The following MAN1A1 variants were observed in gnomAD, a reference collection of about 807,000 sequenced individuals.
The protein encoded by MAN1A1 is mannosyl-oligosaccharide 1,2-alpha-mannosidase IA.
MAN1A1 carries 29 observed loss-of-function variants against 70.8 expected under a neutral mutation model. That is an observed-to-expected ratio of 0.41 (90% confidence interval 0.31 to 0.56). The LOEUF is 0.56. MAN1A1 is among the 20% of genes least tolerant of loss of function. The probability of loss-of-function intolerance (pLI) is 0.29; values close to 1 mark genes in which losing one functional copy is unlikely to be tolerated. For missense variants in MAN1A1, 747 were observed against 841.3 expected (o/e 0.89, Z 1.39); for synonymous variants, 349 against 330.1 (o/e 1.06, Z -0.62).
At chr6:119,333,580 T>C (rs1582812759) in intron 2 of MAN1A1, among the ~76,000 whole-genome samples, 1 of 152,210 alleles carries the variant, frequency 6.6e-6, no homozygotes, top group East Asian at 1.9e-4. Context: ...CAGCTAATAC[T>C]AAATTAAGCT....
At chr6:119,331,776 T>C (rs1045550712) in intron 2 of MAN1A1, among the ~76,000 whole-genome samples, 1 of 151,926 alleles carries the variant, frequency 6.6e-6, no homozygotes, top group African/African-American at 2.4e-5. Flanking sequence ...TCACCTCACT[T>C]CCCTTTACTT....
Position 119,349,071 on chromosome 6 carries a change from C to T in MAN1A1, c.-6G>A. 3 of 1,311,516 alleles carry T rather than the reference C, an allele frequency of 2.3e-6. No individual in the cohort carries two copies. Among genetic ancestry groups the T allele is most frequent in the South Asian group, 2.3e-5 (1 of 44,056 alleles). The allele number at this position is 1,311,516 out of a possible 1,614,324, so 81.2% of individuals were successfully genotyped here. A position where few individuals can be genotyped will look rare whatever the true frequency, so the allele number is the denominator to read the frequency against. ...AACAGGCCCCCCACGGGCATCGCTC[C>T]CGCTGTCCAGTGGTCCGGCGCCGCG... On this transcript the variant is annotated 5_prime_UTR_variant, in exon 2 of 13. Transcript: ENST00000368468.
At chr6:119,203,463 G>A (rs891393770) in intron 7 of MAN1A1, among the ~76,000 whole-genome samples, 1 of 152,000 alleles carries the variant, frequency 6.6e-6, no homozygotes, top group African/African-American at 2.4e-5. Flanking sequence ...GGAGAGCCAG[G>A]GCCCAGGTCA....
intron 6 of MAN1A1, among the ~76,000 whole-genome samples, chr6:119,211,446 C>T (rs1007350515): frequency 6.6e-6 from 1 of 152,184 alleles, no homozygotes; most frequent in Non-Finnish European, 1.5e-5. Flanking sequence ...TACAGCAGTG[C>T]CAAGAAAACA....
chr6:119,347,806 T>C (rs1220114266), intron 2 of MAN1A1, among the ~76,000 whole-genome samples: 1 of 152,286 alleles, frequency 6.6e-6, no homozygotes, highest in Non-Finnish European at 1.5e-5. Context: ...GGATTAACTT[T>C]GTCACCATTG....
At chr6:119,268,661 A>C (rs980638103) in intron 5 of MAN1A1, among the ~76,000 whole-genome samples, 2 of 151,910 alleles carry the variant, frequency 1.3e-5, no homozygotes, top group African/African-American at 4.8e-5. Flanking sequence ...ATTTTGGCTC[A>C]CTGCAGCCTT....
chr6:119,300,109 G>A (rs767410112), intron 4 of MAN1A1, among the ~76,000 whole-genome samples: 2 of 152,062 alleles, frequency 1.3e-5, no homozygotes, highest in African/African-American at 2.4e-5. Context: ...GTGTTTCAGA[G>A]GAATTTAGTT....
At chr6:119,285,746 A>AT (rs1267115213) in intron 5 of MAN1A1, among the ~76,000 whole-genome samples, 1 of 152,070 alleles carries the variant, frequency 6.6e-6, no homozygotes, top group Non-Finnish European at 1.5e-5. Context: ...TTTATAATTT[A>AT]GTATTTAGGC....
intron 2 of MAN1A1, among the ~76,000 whole-genome samples, chr6:119,311,554 G>C (rs189820521): frequency 6.6e-6 from 1 of 152,188 alleles, no homozygotes; most frequent in Non-Finnish European, 1.5e-5. Flanking sequence ...ATTTGAGGTT[G>C]ATCTGGGAAA....
In MAN1A1 at chr6:119,348,842, T is replaced by G; in HGVS notation, c.224A>C (p.His75Pro). 1 of 1,497,608 alleles carries G rather than the reference T, an allele frequency of 6.7e-7. No individual in the cohort carries two copies. 92.8% of individuals were successfully genotyped at this position (1,497,608 alleles called of 1,614,324 possible). ...SSKLLSGVLF[H>P]SSPALQPAAD... Reference sequence around the variant, plus strand: ...GGCCGGCTGCAAGGCGGGGCTGGAGTGGAACAGGACCCCGCTGAGCAGCTT... The same window carrying G: ...GGCCGGCTGCAAGGCGGGGCTGGAGGGGAACAGGACCCCGCTGAGCAGCTT... Residue 75 changes from histidine to proline, a missense_variant, in exon 2 of 13, where the codon CAC becomes CCC. His to Pro is a moderately conservative substitution (Grantham distance 77). Around this residue, in one of 2 missense-constraint regions of MAN1A1, gnomAD observed 328 missense variants for 293.1 expected, o/e 1.12. Transcript: ENST00000368468.
chr6:119,296,763 C>T (rs775860264), intron 4 of MAN1A1, among the ~76,000 whole-genome samples: 52 of 151,922 alleles, frequency 3.4e-4, no homozygotes, highest in Non-Finnish European at 6.5e-4. Flanking sequence ...TTCTCCAAAA[C>T]ACAAAGTGTT....
At chr6:119,183,490 T>C (rs1773207839) in intron 11 of MAN1A1, among the ~76,000 whole-genome samples, 1 of 152,164 alleles carries the variant, frequency 6.6e-6, no homozygotes, top group Non-Finnish European at 1.5e-5. Context: ...AATCAGAATT[T>C]AGAAAAAATG....
chr6:119,337,461 G>A (rs1047002072), intron 2 of MAN1A1, among the ~76,000 whole-genome samples: 13 of 152,168 alleles, frequency 8.5e-5, no homozygotes, highest in Non-Finnish European at 1.6e-4. Context: ...GCCCTATTAT[G>A]GGCAGGGCCC....
intron 9 of MAN1A1, 78 bp downstream of exon 9, chr6:119,193,699 C>T (rs756142769): frequency 9.4e-5 from 86 of 913,906 alleles, no homozygotes; most frequent in Non-Finnish European, 1.4e-4. Flanking sequence ...TAGTATACCA[C>T]TTATTCATTA....
intron 7 of MAN1A1, among the ~76,000 whole-genome samples, chr6:119,202,272 T>C (rs1039553833): frequency 5.9e-5 from 9 of 152,324 alleles, no homozygotes; most frequent in African/African-American, 2.2e-4. Context: ...CTTTTTAAAC[T>C]TTTTGTTAAA....
chr6:119,210,849 G>C, intron 6 of MAN1A1: 1 of 452,640 alleles, frequency 2.2e-6, no homozygotes, highest in South Asian at 1.6e-5. Context: ...TACTTACAGA[G>C]CTATTTCTCT....
At chr6:119,221,952 T>C (rs72960610) in intron 6 of MAN1A1, among the ~76,000 whole-genome samples, 15,209 of 152,182 alleles carry the variant, frequency 0.1, 970 homozygotes, top group Non-Finnish European at 0.14. Context: ...TAATATACTT[T>C]TGGGAAATTA....
chr6:119,187,878 C>T (rs562271926), intron 11 of MAN1A1, among the ~76,000 whole-genome samples: 1 of 152,184 alleles, frequency 6.6e-6, no homozygotes, highest in African/African-American at 2.4e-5. Context: ...AAACAACACA[C>T]TGGGCAGATG....
At chr6:119,334,502 G>A (rs1048989186) in intron 2 of MAN1A1, among the ~76,000 whole-genome samples, 4 of 150,782 alleles carry the variant, frequency 2.7e-5, no homozygotes, top group African/African-American at 7.3e-5. Flanking sequence ...ATCTTTAAGA[G>A]TATAATGTTC....
Sources: gnomAD v4.1 joint callset for allele counts (sites outside exome capture counted in the v4.1 genomes callset) on GRCh38, gnomAD v4.1.1 for gene constraint, gnomAD v4.1.1 regional missense constraint, MANE v1.5 for transcripts, NCBI Gene and HGNC (gene_info 2026-07-23, HGNC 2026-07-21) for gene names.